The following SLC7A7 variants were observed in gnomAD, a reference collection of about 807,000 sequenced individuals.
SLC7A7 encodes the protein solute carrier family 7 member 7.
A neutral mutation model predicts 47.9 loss-of-function variants in SLC7A7; 39 were observed. The ratio of observed to expected loss-of-function variants is 0.81; its 90% CI spans 0.63 to 1.06. SLC7A7 has a LOEUF of 1.06. Among genes scored for constraint, SLC7A7 ranks in the 50% least tolerant of loss-of-function variants. The pLI, the probability that SLC7A7 is intolerant of heterozygous loss-of-function variation, is 0.00. For synonymous variants in SLC7A7, 234 were observed against 242.8 expected (o/e 0.96, Z 0.34); for missense variants, 588 against 632.0 (o/e 0.93, Z 0.75).
At chr14:22,783,232 G>T (rs1361006028) in intron 2 of SLC7A7, among the ~76,000 whole-genome samples, 1 of 151,402 alleles carries the variant, frequency 6.6e-6, no homozygotes, top group African/African-American at 2.4e-5. Context: ...GTGCCTGGCT[G>T]TTTTAATTTT....
chr14:22,818,608 G>T (rs202195335), upstream of SLC7A7, among the ~76,000 whole-genome samples: 12 of 140,530 alleles, frequency 8.5e-5, no homozygotes, highest in South Asian at 2.3e-4. Context: ...TGGTTTTTGG[G>T]TTTTTTTTAC....
Position 22,780,027 on chromosome 14 carries a change from G to C in SLC7A7, c.524C>G (p.Ala175Gly), listed in dbSNP as rs1201277416. ...TACCAGGGTTCCCCATTTGACATAGGCACAGTTAATGAAGGTTAAGAGACC... is the reference window on the plus strand; with the variant it reads ...TACCAGGGTTCCCCATTTGACATAGCCACAGTTAATGAAGGTTAAGAGACC... The part of the protein sequence containing the change: ...CICLLTFINC[A>G]YVKWGTLVQD... Residue 175 changes from alanine to glycine, a missense_variant, in exon 3 of 10, where the codon GCC (alanine) becomes GGC (glycine). By Grantham distance (60) the Ala-to-Gly change is moderately conservative. Transcript: ENST00000674313. 1 of 1,613,762 alleles carries C rather than the reference G, an allele frequency of 6.2e-7. No homozygotes were observed. Among genetic ancestry groups the C allele is most frequent in the African/African-American group, 1.3e-5 (1 of 74,828 alleles).
At chr14:22,788,842 A>G (rs1036443556) in intron 2 of SLC7A7, among the ~76,000 whole-genome samples, 1 of 152,174 alleles carries the variant, frequency 6.6e-6, no homozygotes, top group Non-Finnish European at 1.5e-5. Context: ...AAAACTAATC[A>G]ATGCTACTAG....
At chr14:22,790,815 T>C (rs28502733) in intron 2 of SLC7A7, among the ~76,000 whole-genome samples, 80,700 of 151,584 alleles carry the variant, frequency 0.53, 23,175 homozygotes, top group Non-Finnish European at 0.62. Context: ...CTGGCCAACA[T>C]GGTGAAACCC....
At chr14:22,795,635 C>A (rs1378516458) in intron 2 of SLC7A7, among the ~76,000 whole-genome samples, 1 of 151,882 alleles carries the variant, frequency 6.6e-6, no homozygotes, top group South Asian at 2.1e-4. Context: ...CCACCACACC[C>A]AGCTAATTTT....
chr14:22,784,455 T>TA (rs1450670945), intron 2 of SLC7A7, among the ~76,000 whole-genome samples: 2 of 152,038 alleles, frequency 1.3e-5, no homozygotes, highest in Admixed American at 6.6e-5. Flanking sequence ...CTGTCTCTAC[T>TA]AAAAATACAA....
Position 22,774,489 on chromosome 14 carries a change from C to G in SLC7A7, c.1110G>C (p.Leu370Phe), listed in dbSNP as rs1267303478. Residue 370 changes from leucine (L) to phenylalanine (F), a missense_variant, in exon 8 of 10, where the codon TTG (leucine) becomes TTC (phenylalanine). Physicochemically the swap from Leu to Phe is conservative, Grantham distance 22. Transcript: ENST00000674313. ...AGATGTCTTCCACGCACAAGTAGAT[C>G]AATGCCATGATACCCTGTAAGCGTG... is the stretch of plus-strand genomic sequence containing the variant. The part of the protein sequence containing the change: ...PSLLFNGIMA[L>F]IYLCVEDIFQ... The G allele has an allele frequency of 3.1e-6, 5 of 1,614,016 alleles. No individual in the cohort carries two copies. The highest frequency in any genetic ancestry group is 4.2e-6 in the Non-Finnish European group (5 of 1,180,028).
intron 7 of SLC7A7, 117 bp from the exon 8 acceptor site, chr14:22,774,620 C>T: frequency 3.6e-6 from 5 of 1,387,032 alleles, no homozygotes; most frequent in South Asian, 1.2e-5. Context: ...TCCTGGTCCT[C>T]TTCTGGTTTT....
chr14:22,819,360 A>C (rs1026830500), upstream of SLC7A7, among the ~76,000 whole-genome samples: 1 of 150,360 alleles, frequency 6.7e-6, no homozygotes, highest in Non-Finnish European at 1.5e-5. Context: ...CTCCCTCCCC[A>C]GTTCTCTGTT....
chr14:22,804,009 C>G (rs960631782), intron 2 of SLC7A7, among the ~76,000 whole-genome samples: 1 of 152,120 alleles, frequency 6.6e-6, no homozygotes, highest in African/African-American at 2.4e-5. Context: ...TTCCTGATTA[C>G]TAGATTGGTT....
In SLC7A7 at chr14:22,774,127, A is replaced by G; in HGVS notation, c.1246-11T>C. 1 of 1,614,154 alleles carries G rather than the reference A, an allele frequency of 6.2e-7. No homozygotes were observed. The highest frequency in any genetic ancestry group is 8.5e-7 in the Non-Finnish European group (1 of 1,180,016). On this transcript the variant is annotated splice_polypyrimidine_tract_variant and intron_variant, in intron 8 of 9. Transcript: ENST00000674313. ...GAAGAAAACGCTGAGCTAAGGGCACAGGAAACATAACTGGAGTGGACAACT... is the reference window on the plus strand; with the variant it reads ...GAAGAAAACGCTGAGCTAAGGGCACGGGAAACATAACTGGAGTGGACAACT...
intron 2 of SLC7A7, among the ~76,000 whole-genome samples, chr14:22,808,594 C>T (rs2039251258): frequency 6.6e-6 from 1 of 151,812 alleles, no homozygotes; most frequent in Non-Finnish European, 1.5e-5. Context: ...ATAGCTTGAG[C>T]CCAGGAGTTT....
rs752725969 is a variant in SLC7A7 at position 22,774,386 on chromosome 14, A to G, written c.1213T>C (p.Trp405Arg). The G allele has an allele frequency of 6.2e-6, 10 of 1,614,052 alleles. No individual in the cohort carries two copies. Among genetic ancestry groups the G allele is most frequent in the African/African-American group, 2.7e-5 (2 of 74,908 alleles). The change falls in exon 8 of 10, where the codon TGG becomes CGG. Residue 405 changes from tryptophan (W) to arginine (R), a missense_variant. Physicochemically the swap from Trp to Arg is moderately radical, Grantham distance 101. Coordinates refer to ENST00000674313, the MANE Select transcript of SLC7A7 (RefSeq NM_003982.4). ...LSIVGQLYLR[W>R]KEPDRPRPLK... ...GGACGAGGTCGATCAGGCTCCTTCC[A>G]GCGCAGATAAAGCTGACCCACAATA... is the stretch of plus-strand genomic sequence containing the variant.
chr14:22,810,714 A>C (rs866828278), intron 2 of SLC7A7, among the ~76,000 whole-genome samples: 64 of 152,182 alleles, frequency 4.2e-4, no homozygotes, highest in African/African-American at 1.3e-3. Context: ...ACAGTGGCTC[A>C]TGCCTGTAAT....
chr14:22,818,035 A>T (rs897927123), upstream of SLC7A7, among the ~76,000 whole-genome samples: 1 of 151,882 alleles, frequency 6.6e-6, no homozygotes. Context: ...AAAAAAAAAA[A>T]CACAAACACA....
intron 2 of SLC7A7, among the ~76,000 whole-genome samples, chr14:22,786,334 T>C (rs568537311): frequency 7.9e-5 from 11 of 138,852 alleles, no homozygotes; most frequent in African/African-American, 2.6e-4. Flanking sequence ...ACAAAAAGGA[T>C]GAACATCCTG....
intron 2 of SLC7A7, among the ~76,000 whole-genome samples, chr14:22,803,917 T>C (rs183521414): frequency 4.6e-5 from 7 of 152,330 alleles, no homozygotes; most frequent in African/African-American, 1.2e-4. Context: ...CCATGCTTTA[T>C]AGAGCCCAAC....
chr14:22,806,130 A>C (rs1211182429), intron 2 of SLC7A7, among the ~76,000 whole-genome samples: 1 of 150,508 alleles, frequency 6.6e-6, no homozygotes, highest in Non-Finnish European at 1.5e-5. Context: ...AAAAAAAAAA[A>C]AAAAAAAAAA....
rs562202270 is a variant in SLC7A7, at chr14:22,806,947, G to C, written c.499+5953C>G. On this transcript the variant is annotated intron_variant, in intron 2 of 9. Transcript: ENST00000674313. ...GAGTCTCGCTCTGTCGCCCAGGCTA[G>C]AGTGCAGTGGCGCGATCTGGGCTCA... is the stretch of plus-strand genomic sequence containing the variant. Among the ~76,000 whole-genome samples, 341 of 142,100 alleles carry C rather than the reference G, an allele frequency of 2.4e-3. 2 individuals carry two copies. Among genetic ancestry groups the C allele is most frequent in the African/African-American group, 6.6e-3 (252 of 38,308 alleles). The allele number at this position is 142,100 out of a possible 152,430, so 93.2% of individuals were successfully genotyped here.
Sources: gnomAD v4.1 joint callset for allele counts (sites outside exome capture counted in the v4.1 genomes callset) on GRCh38, gnomAD v4.1.1 for gene constraint, MANE v1.5 for transcripts, NCBI Gene and HGNC (gene_info 2026-07-23, HGNC 2026-07-21) for gene names.